ZNF169: variants seen among roughly 807,000 people sequenced by gnomAD.
ZNF169 encodes zinc finger protein 169.
A neutral mutation model predicts 12.0 loss-of-function variants in ZNF169; 11 were observed. The observed-to-expected ratio is 0.92, with a 90% CI of 0.58 to 1.52. The LOEUF (loss-of-function observed/expected upper bound fraction) is 1.52, where lower values mean the gene tolerates loss of function less well. Ranked by LOEUF, ZNF169 falls within the 40% of genes most tolerant of loss-of-function variation. ZNF169 has a pLI of 0.00. For synonymous variants in ZNF169, 302 were observed against 286.5 expected (o/e 1.05, Z -0.55); for missense variants, 722 against 744.0 (o/e 0.97, Z 0.34).
intron 1 of ZNF169, among the ~76,000 whole-genome samples, chr9:94,266,738 C>T (rs1402290001): frequency 6.6e-6 from 1 of 152,112 alleles, no homozygotes; most frequent in Non-Finnish European, 1.5e-5. Flanking sequence ...TGAAAAACAT[C>T]AGGTGAAACT....
chr9:94,263,650 A>G (rs1830242652), intron 1 of ZNF169, among the ~76,000 whole-genome samples: 1 of 151,814 alleles, frequency 6.6e-6, no homozygotes, highest in African/African-American at 2.4e-5. Flanking sequence ...CAGCCTCCCA[A>G]AGTGCTGGGA....
In ZNF169 at chr9:94,301,154, C is replaced by G; in HGVS notation, c.1596C>G (p.Asp532Glu). The G allele has an allele frequency of 6.2e-7, 1 of 1,614,214 alleles. No homozygotes were observed. The highest frequency in any genetic ancestry group is 8.5e-7 in the Non-Finnish European group (1 of 1,180,028). The change falls in exon 5 of 5, where the codon GAC (aspartate) becomes GAG (glutamate). Residue 532 changes from aspartate (D) to glutamate (E), a missense_variant. Transcript: ENST00000395395. ...GCCAGAAGTCACACCTTATCTCTGA[C>G]CAAAGGACACACTCAGGAGAGAAGC... is the stretch of plus-strand genomic sequence containing the variant. ...GLGQKSHLIS[D>E]QRTHSGEKPC...
chr9:94,279,181 C>T (rs1228948357), intron 2 of ZNF169, among the ~76,000 whole-genome samples: 1 of 152,040 alleles, frequency 6.6e-6, no homozygotes, highest in Non-Finnish European at 1.5e-5. Flanking sequence ...CACCTGAGGT[C>T]AGGAGTTCGA....
intron 1 of ZNF169, among the ~76,000 whole-genome samples, chr9:94,262,828 C>T: frequency 6.6e-6 from 1 of 152,130 alleles, no homozygotes; most frequent in Non-Finnish European, 1.5e-5. Flanking sequence ...TGAAAGTCAT[C>T]AAAAAAATTG....
At chr9:94,280,246 TG>T (rs2118599904) in intron 2 of ZNF169, among the ~76,000 whole-genome samples, 1 of 152,354 alleles carries the variant, frequency 6.6e-6, no homozygotes, top group Admixed American at 6.5e-5. Context: ...GAGAGAAATC[TG>T]TAACATCTTT....
intron 4 of ZNF169, chr9:94,296,852 T>C (rs1447288464): frequency 1.1e-5 from 5 of 455,910 alleles, no homozygotes; most frequent in African/African-American, 8.0e-5. Flanking sequence ...GAGACTAGTC[T>C]GGCCAACATA....
chr9:94,289,242 T>TA (rs1418117776), intron 2 of ZNF169, among the ~76,000 whole-genome samples: 1 of 151,058 alleles, frequency 6.6e-6, no homozygotes, highest in Non-Finnish European at 1.5e-5. Flanking sequence ...GTTAAAAAAA[T>TA]AAAAAAATTA....
intron 1 of ZNF169, among the ~76,000 whole-genome samples, chr9:94,264,600 C>T (rs778892634): frequency 5.9e-5 from 9 of 152,126 alleles, no homozygotes; most frequent in South Asian, 2.1e-4. Context: ...GGTCTGCTGA[C>T]GATAAATTTT....
chr9:94,265,024 T>TTG (rs919197760), intron 1 of ZNF169, among the ~76,000 whole-genome samples: 10 of 147,604 alleles, frequency 6.8e-5, no homozygotes, highest in African/African-American at 2.5e-4. Context: ...GTACCCTGTT[T>TTG]TTTTTTTTTT....
At chr9:94,262,606 C>T (rs561904232) in intron 1 of ZNF169, among the ~76,000 whole-genome samples, 134 of 152,160 alleles carry the variant, frequency 8.8e-4, no homozygotes, top group African/African-American at 3.0e-3. Context: ...TACAGGCGTG[C>T]GCCACCATGC....
chr9:94,272,709 A>G (rs189234577), intron 1 of ZNF169, among the ~76,000 whole-genome samples: 12 of 152,258 alleles, frequency 7.9e-5, no homozygotes, highest in Non-Finnish European at 1.3e-4. Context: ...ATCTGCTTCC[A>G]ATTCCTTTGG....
rs757112068 is a variant in ZNF169, at chr9:94,301,247, C to A, written c.1689C>A (p.Thr563=). ...FKSALIRHQR[T]HSGEKPYVCR... is the part of the protein sequence containing the mutation. ...CTGCCCTCATCCGACATCAGCGGACCCATTCTGGGGAGAAGCCGTATGTCT... is the reference window on the plus strand; with the variant it reads ...CTGCCCTCATCCGACATCAGCGGACACATTCTGGGGAGAAGCCGTATGTCT... The change falls in exon 5 of 5, where the codon ACC becomes ACA. Residue 563 remains threonine, a synonymous_variant. Transcript: ENST00000395395. 1 of 1,605,470 alleles carries A rather than the reference C, an allele frequency of 6.2e-7. No homozygotes were observed. Among genetic ancestry groups the A allele is most frequent in the East Asian group, 2.3e-5 (1 of 44,294 alleles).
intron 1 of ZNF169, among the ~76,000 whole-genome samples, chr9:94,275,617 A>G (rs964647384): frequency 4.6e-5 from 7 of 151,548 alleles, no homozygotes; most frequent in African/African-American, 1.7e-4. Context: ...CTATTCTGTC[A>G]TTTTTCTTCC....
At chr9:94,274,158 C>T (rs1376424061) in intron 1 of ZNF169, among the ~76,000 whole-genome samples, 2 of 152,026 alleles carry the variant, frequency 1.3e-5, no homozygotes, top group Admixed American at 1.3e-4. Context: ...ACAATGACAC[C>T]AGTTATATTG....
chr9:94,270,549 GT>G (rs1830369349), intron 1 of ZNF169, among the ~76,000 whole-genome samples: 1 of 140,598 alleles, frequency 7.1e-6, no homozygotes, highest in Non-Finnish European at 1.5e-5. Context: ...TTTGTTAGGA[GT>G]TTTTATCATG....
At chr9:94,280,272 A>T (rs552160572) in intron 2 of ZNF169, among the ~76,000 whole-genome samples, 9 of 152,362 alleles carry the variant, frequency 5.9e-5, no homozygotes, top group African/African-American at 2.2e-4. Flanking sequence ...GAAAATGTGT[A>T]TGTAGCACAG....
intron 1 of ZNF169, among the ~76,000 whole-genome samples, chr9:94,272,402 C>G (rs1029010182): frequency 2.4e-4 from 37 of 152,220 alleles, no homozygotes; most frequent in African/African-American, 7.7e-4. Context: ...TTTCATCTTG[C>G]ATGACTGAAA....
chr9:94,263,139 ATT>A (rs34731714), intron 1 of ZNF169, among the ~76,000 whole-genome samples: 1 of 151,364 alleles, frequency 6.6e-6, no homozygotes, highest in African/African-American at 2.4e-5. Flanking sequence ...TTCCTTATGG[ATT>A]TTTTTTTCTA....
At chr9:94,270,946 T>A (rs181052199) in intron 1 of ZNF169, among the ~76,000 whole-genome samples, 1 of 25,554 alleles carries the variant, frequency 3.9e-5, no homozygotes, top group Non-Finnish European at 6.0e-5. Context: ...TAATATATTA[T>A]ATAAATATAT....
Sources: allele counts gnomAD v4.1 joint callset (sites outside exome capture counted in the v4.1 genomes callset), GRCh38; gene constraint gnomAD v4.1.1; transcripts MANE v1.5; gene names NCBI Gene and HGNC (gene_info 2026-07-23, HGNC 2026-07-21).